The following ARHGAP22 variants were observed in gnomAD, a reference collection of about 807,000 sequenced individuals.
ARHGAP22 encodes rho GTPase-activating protein 22.
Under a neutral mutation model 59.1 loss-of-function variants are expected in ARHGAP22, and 48 were observed. The ratio of observed to expected loss-of-function variants is 0.81; its 90% CI spans 0.64 to 1.03. ARHGAP22 has a LOEUF of 1.03. Among genes scored for constraint, ARHGAP22 ranks in the 50% least tolerant of loss-of-function variants. The pLI is 0.00. For missense variants in ARHGAP22, 1,015 were observed against 958.7 expected (o/e 1.06, Z -0.78); for synonymous variants, 445 against 416.4 (o/e 1.07, Z -0.84).
chr10:48,446,932 G>A (rs2045411979), intron 9 of ARHGAP22, among the ~76,000 whole-genome samples: 2 of 152,214 alleles, frequency 1.3e-5, no homozygotes, highest in Non-Finnish European at 2.9e-5. Context: ...CCAGCTGGTA[G>A]GAACAGTACA....
At chr10:48,606,846 T>C (rs1281791078), upstream of ARHGAP22, among the ~76,000 whole-genome samples, 1 of 152,202 alleles carries the variant, frequency 6.6e-6, no homozygotes, top group Non-Finnish European at 1.5e-5. Flanking sequence ...TATGTCCCTG[T>C]ACTGCCCCTC....
At chr10:48,529,280 G>A (rs2054606139) in intron 3 of ARHGAP22, among the ~76,000 whole-genome samples, 1 of 152,118 alleles carries the variant, frequency 6.6e-6, no homozygotes, top group African/African-American at 2.4e-5. Flanking sequence ...TGGAGACCAG[G>A]CAGGGCAATG....
chr10:48,509,811 G>A (rs559066551), intron 3 of ARHGAP22, among the ~76,000 whole-genome samples: 4 of 152,306 alleles, frequency 2.6e-5, no homozygotes, highest in South Asian at 2.1e-4. Flanking sequence ...GAAGACGCCC[G>A]ACGAGTCATG....
At chr10:48,557,702 T>C (rs1162405811) in intron 2 of ARHGAP22, among the ~76,000 whole-genome samples, 1 of 152,240 alleles carries the variant, frequency 6.6e-6, no homozygotes, top group African/African-American at 2.4e-5. Flanking sequence ...AGCCAGGCTG[T>C]GACTGTGGGA....
At chr10:48,585,904 A>G (rs1250339580) in intron 1 of ARHGAP22, among the ~76,000 whole-genome samples, 1 of 152,202 alleles carries the variant, frequency 6.6e-6, no homozygotes, top group African/African-American at 2.4e-5. Flanking sequence ...GGGAAGGCAA[A>G]TCAGGGAGCT....
intron 4 of ARHGAP22, among the ~76,000 whole-genome samples, chr10:48,468,211 G>C (rs1180378889): frequency 6.6e-6 from 1 of 152,188 alleles, no homozygotes; most frequent in Non-Finnish European, 1.5e-5. Flanking sequence ...CATGGATGTG[G>C]TTGGCTGAAT....
chr10:48,494,785 G>A (rs1261711759), intron 3 of ARHGAP22, among the ~76,000 whole-genome samples: 3 of 152,008 alleles, frequency 2.0e-5, no homozygotes, highest in Admixed American at 6.5e-5. Context: ...CAGGTCCCTC[G>A]GACCACCTCT....
At chr10:48,514,023 T>G (rs986148651) in intron 3 of ARHGAP22, among the ~76,000 whole-genome samples, 2 of 152,090 alleles carry the variant, frequency 1.3e-5, no homozygotes, top group African/African-American at 2.4e-5. Flanking sequence ...CATAAATCAC[T>G]ATTTGGGCTC....
intron 1 of ARHGAP22, among the ~76,000 whole-genome samples, chr10:48,593,277 T>C (rs1278767847): frequency 6.6e-6 from 1 of 152,184 alleles, no homozygotes; most frequent in Non-Finnish European, 1.5e-5. Flanking sequence ...TTCAATTATA[T>C]TATAGAAGTG....
At chr10:48,654,287 C>T (rs953295594), upstream of ARHGAP22, among the ~76,000 whole-genome samples, 3 of 152,166 alleles carry the variant, frequency 2.0e-5, no homozygotes, top group Admixed American at 6.5e-5. Context: ...GACACCAGCT[C>T]GCTTCAGGAA....
chr10:48,623,356 C>G (rs866903194), intron 1 of ARHGAP22, among the ~76,000 whole-genome samples: 1 of 152,210 alleles, frequency 6.6e-6, no homozygotes, highest in Non-Finnish European at 1.5e-5. Context: ...TTGATTCTAG[C>G]TCTGTGTATT....
intron 3 of ARHGAP22, among the ~76,000 whole-genome samples, chr10:48,481,612 G>GC (rs949751595): frequency 2.0e-5 from 3 of 152,120 alleles, no homozygotes; most frequent in Non-Finnish European, 4.4e-5. Flanking sequence ...CCTGGGTCCT[G>GC]CCCCAACGTG....
At chr10:48,590,582 A>G (rs2059692185) in intron 1 of ARHGAP22, among the ~76,000 whole-genome samples, 1 of 152,062 alleles carries the variant, frequency 6.6e-6, no homozygotes, top group Non-Finnish European at 1.5e-5. Context: ...CCATGCCTCT[A>G]TATTGCTGCA....
At chr10:48,617,414 A>ATCTTT (rs1393768399) in intron 1 of ARHGAP22, among the ~76,000 whole-genome samples, 1 of 152,048 alleles carries the variant, frequency 6.6e-6, no homozygotes, top group African/African-American at 2.4e-5. Context: ...TCTTTTCATC[A>ATCTTT]GCACGTGGAA....
intron 5 of ARHGAP22, among the ~76,000 whole-genome samples, 168 bp downstream of exon 5, chr10:48,459,516 C>T (rs951267081): frequency 1.3e-5 from 2 of 152,146 alleles, no homozygotes; most frequent in African/African-American, 4.8e-5. Context: ...TGAGAGGGGA[C>T]CCCGGGCTGG....
rs1425429195 is a variant in ARHGAP22, at chr10:48,450,532, G to A, written c.1597C>T (p.Arg533Cys). 7 of 1,518,278 alleles carry A rather than the reference G, an allele frequency of 4.6e-6. No homozygotes were observed. Among genetic ancestry groups the A allele is most frequent in the South Asian group, 3.8e-5 (3 of 78,972 alleles). 94.1% of individuals were successfully genotyped at this position (1,518,278 alleles called of 1,614,324 possible). Residue 533 changes from arginine (R) to cysteine (C), a missense_variant, in exon 9 of 10, where the codon CGC becomes TGC. Transcript: ENST00000249601. ...GGSLSSCTACRASDSSARSSL... is the reference protein window; with the variant it reads ...GGSLSSCTACCASDSSARSSL... ...CTGCGGGCAGACGAGTCGCTGGCGC[G>A]GCAGGCCGTGCAGCTGCTGAGTGAG...
In ARHGAP22 at chr10:48,446,411, C is replaced by A. The variant is rs763200179; in HGVS notation, c.2077G>T (p.Gly693Cys). 8.1e-6 allele frequency: 13 copies of A among 1,614,050 alleles called. No homozygotes were observed. Among genetic ancestry groups the A allele is most frequent in the Admixed American group, 5.0e-5 (3 of 60,008 alleles). ...TLGSLTVGAK[G>C]ARAPK ...TCCTTTTACTTTGGGGCCCTGGCAC[C>A]TTTTGCCCCAACAGTCAAGCTTCCT... Residue 693 changes from glycine (G) to cysteine (C), a missense_variant, in exon 10 of 10, where the codon GGT becomes TGT. Transcript: ENST00000249601.
At chr10:48,602,354 A>G (rs1239260295) in intron 1 of ARHGAP22, among the ~76,000 whole-genome samples, 1 of 152,148 alleles carries the variant, frequency 6.6e-6, no homozygotes. Context: ...CTTTAAAAGA[A>G]GGAGCCTCCT....
chr10:48,560,357 T>C (rs2057606649), intron 2 of ARHGAP22, among the ~76,000 whole-genome samples: 1 of 152,160 alleles, frequency 6.6e-6, no homozygotes, highest in African/African-American at 2.4e-5. Flanking sequence ...TTTAGAGCTT[T>C]CATTTTCCCC....
Sources: gnomAD v4.1 joint callset for allele counts (sites outside exome capture counted in the v4.1 genomes callset) on GRCh38, gnomAD v4.1.1 for gene constraint, MANE v1.5 for transcripts, NCBI Gene and HGNC (gene_info 2026-07-23, HGNC 2026-07-21) for gene names.